ZFAND3: variants seen among roughly 807,000 people sequenced by gnomAD.
ZFAND3 encodes AN1-type zinc finger protein 3.
Under a neutral mutation model 29.6 loss-of-function variants are expected in ZFAND3, and 10 were observed. The ratio of observed to expected loss-of-function variants is 0.34; its 90% CI spans 0.21 to 0.57. The LOEUF is 0.57. ZFAND3 is among the 20% of genes least tolerant of loss of function. ZFAND3 has a pLI of 0.86. For missense variants in ZFAND3, 230 were observed against 304.5 expected, an observed-to-expected ratio of 0.76 and a Z score of 1.82; for synonymous variants, 128 against 112.6, an observed-to-expected ratio of 1.14 and a Z score of -0.87.
chr6:38,090,873 G>A (rs527569466), intron 4 of ZFAND3, among the ~76,000 whole-genome samples: 1 of 152,288 alleles, frequency 6.6e-6, no homozygotes, highest in South Asian at 2.1e-4. Context: ...ATAAGATGAG[G>A]GAAAATTAAC....
At chr6:37,960,008 A>C (rs1388910486) in intron 2 of ZFAND3, among the ~76,000 whole-genome samples, 1 of 152,242 alleles carries the variant, frequency 6.6e-6, no homozygotes, top group Non-Finnish European at 1.5e-5. Flanking sequence ...AAATCCTTAA[A>C]GTCTAATTGG....
chr6:37,918,951 C>CTTGTTTTTTTTTTTTTTTT (rs1761318785), intron 1 of ZFAND3, among the ~76,000 whole-genome samples: 4 of 104,726 alleles, frequency 3.8e-5, no homozygotes, highest in African/African-American at 1.6e-4. Context: ...TGAAAAATGC[C>CTTGTTTTTTTTTTTTTTTT]TTTTTTTTTT....
At chr6:37,824,159 ATT>A (rs1472269094) in intron 1 of ZFAND3, among the ~76,000 whole-genome samples, 1 of 152,190 alleles carries the variant, frequency 6.6e-6, no homozygotes, top group Non-Finnish European at 1.5e-5. Context: ...AAATATGAAC[ATT>A]TTCTTGGCTC....
At chr6:37,902,057 T>C (rs1030240317) in intron 1 of ZFAND3, among the ~76,000 whole-genome samples, 3 of 152,238 alleles carry the variant, frequency 2.0e-5, no homozygotes, top group Admixed American at 1.3e-4. Context: ...ATTCAGCGTT[T>C]GTATTTGTAT....
chr6:38,055,873 C>T (rs1013221653), intron 2 of ZFAND3, among the ~76,000 whole-genome samples: 1 of 152,082 alleles, frequency 6.6e-6, no homozygotes, highest in Non-Finnish European at 1.5e-5. Flanking sequence ...AAATGTAATC[C>T]AGTGATGGAC....
At chr6:37,910,689 A>G (rs1364594679) in intron 1 of ZFAND3, among the ~76,000 whole-genome samples, 1 of 152,042 alleles carries the variant, frequency 6.6e-6, no homozygotes, top group Admixed American at 6.6e-5. Flanking sequence ...ATTCCTCCTA[A>G]CTGAAATTTT....
chr6:38,045,127 C>T (rs866892547), intron 2 of ZFAND3, among the ~76,000 whole-genome samples: 1 of 150,496 alleles, frequency 6.6e-6, no homozygotes, highest in Middle Eastern at 3.4e-3. Context: ...CACTCTGTCG[C>T]CCAGACTGGA....
intron 4 of ZFAND3, among the ~76,000 whole-genome samples, chr6:38,100,640 C>G (rs1025535835): frequency 6.6e-6 from 1 of 152,172 alleles, no homozygotes; most frequent in East Asian, 1.9e-4. Context: ...CCCATCAGAC[C>G]TAAGCAGTGT....
intron 1 of ZFAND3, among the ~76,000 whole-genome samples, chr6:37,883,070 A>G (rs949022889): frequency 3.3e-5 from 5 of 152,094 alleles, no homozygotes; most frequent in African/African-American, 1.2e-4. Flanking sequence ...AAATTTAAAA[A>G]CAATTAGCTC....
chr6:38,006,124 T>C (rs1253755921), intron 2 of ZFAND3, among the ~76,000 whole-genome samples: 1 of 152,268 alleles, frequency 6.6e-6, no homozygotes, highest in African/African-American at 2.4e-5. Context: ...TTACAGCTTC[T>C]GCATGTATCA....
Position 37,907,361 on chromosome 6 carries a change from C to G in ZFAND3, c.72-22598C>G, listed in dbSNP as rs528623189. Among the ~76,000 whole-genome samples the G allele has an allele frequency of 8.5e-5, 13 of 152,292 alleles. No homozygotes were observed. In the East Asian group the frequency reaches 2.5e-3, roughly 29 times the overall value. ...GCAATATTATAGCATTTCTATCATT[C>G]TGAAAAGTTTTCCTCAGACCTTTTG... On this transcript the variant is annotated intron_variant, in intron 1 of 5. Transcript: ENST00000287218.
At chr6:38,107,788 GTGCCACTGCACT>G (rs1450758840) in intron 4 of ZFAND3, among the ~76,000 whole-genome samples, 1 of 152,194 alleles carries the variant, frequency 6.6e-6, no homozygotes, top group Admixed American at 6.5e-5. Flanking sequence ...AGCCATGATT[GTGCCACTGCACT>G]CTAGCCTGAA....
In ZFAND3 at chr6:38,117,381, C is replaced by T. The variant is rs556040399; in HGVS notation, c.529+642C>T. 8.1e-4 allele frequency among the ~76,000 whole-genome samples: 123 copies of T among 151,166 alleles called. 1 individual carries two copies. Among genetic ancestry groups the T allele is most frequent in the African/African-American group, 3.0e-3 (122 of 41,172 alleles). On this transcript the variant is annotated intron_variant, in intron 5 of 5. Transcript: ENST00000287218. The stretch of plus-strand genomic sequence containing the variant: ...TGAAATAGCTTTACAGTCACCTTTC[C>T]TTCTGTATTCTGTAGTGTAATACCT...
chr6:38,105,469 A>G (rs1176586802), intron 4 of ZFAND3, among the ~76,000 whole-genome samples: 1 of 152,232 alleles, frequency 6.6e-6, no homozygotes, highest in Non-Finnish European at 1.5e-5. Flanking sequence ...GGTTCCATGT[A>G]TATGTTCACA....
chr6:37,930,025 A>G, intron 2 of ZFAND3, 26 bp downstream of exon 2: 2 of 1,540,258 alleles, frequency 1.3e-6, no homozygotes, highest in Non-Finnish European at 1.7e-6. Flanking sequence ...GGGTTTTTTA[A>G]TTTACTTTCA....
At chr6:38,013,866 G>A (rs1763204894) in intron 2 of ZFAND3, among the ~76,000 whole-genome samples, 1 of 152,154 alleles carries the variant, frequency 6.6e-6, no homozygotes. Flanking sequence ...AAAAGTTAAT[G>A]AACCACTACC....
intron 2 of ZFAND3, among the ~76,000 whole-genome samples, chr6:38,038,438 T>G (rs1763700849): frequency 6.6e-6 from 1 of 152,180 alleles, no homozygotes; most frequent in Admixed American, 6.5e-5. Flanking sequence ...CTTAAATGAA[T>G]CTTAGCAACT....
intron 2 of ZFAND3, among the ~76,000 whole-genome samples, chr6:38,052,257 G>A (rs552716236): frequency 6.6e-6 from 1 of 152,254 alleles, no homozygotes; most frequent in South Asian, 2.1e-4. Flanking sequence ...GAAGTGACTT[G>A]AGAGACCTTG....
At chr6:38,090,660 G>A (rs772185178) in intron 4 of ZFAND3, among the ~76,000 whole-genome samples, 8 of 152,276 alleles carry the variant, frequency 5.3e-5, no homozygotes, top group Admixed American at 2.0e-4. Flanking sequence ...GTGGATGACT[G>A]GGAAAGGGAA....
Sources: allele counts gnomAD v4.1 joint callset (sites outside exome capture counted in the v4.1 genomes callset), GRCh38; gene constraint gnomAD v4.1.1; transcripts MANE v1.5; gene names NCBI Gene and HGNC (gene_info 2026-07-23, HGNC 2026-07-21).